The following SMARCC1 variants were observed in gnomAD, a reference collection of about 807,000 sequenced individuals.
The protein encoded by SMARCC1 is SWI/SNF related BAF chromatin remodeling complex subunit C1.
SMARCC1 carries 43 observed loss-of-function variants against 147.4 expected under a neutral mutation model. The observed-to-expected ratio is 0.29, with a 90% CI of 0.23 to 0.38. The LOEUF (loss-of-function observed/expected upper bound fraction) is 0.38, where lower values mean the gene tolerates loss of function less well. SMARCC1 is among the 10% of genes least tolerant of loss of function. The pLI is 1.00. For synonymous variants in SMARCC1, 495 were observed against 484.4 expected (o/e 1.02, Z -0.29); for missense variants, 1,119 against 1,381.1 (o/e 0.81, Z 3.01).
intron 10 of SMARCC1, among the ~76,000 whole-genome samples, chr3:47,704,315 T>C (rs1043149727): frequency 2.0e-5 from 3 of 152,208 alleles, no homozygotes; most frequent in Non-Finnish European, 4.4e-5. Context: ...TCTAAGTATA[T>C]TTTTAACATA....
intron 11 of SMARCC1, among the ~76,000 whole-genome samples, chr3:47,700,653 T>A (rs2033906936): frequency 6.6e-6 from 1 of 151,978 alleles, no homozygotes; most frequent in Non-Finnish European, 1.5e-5. Flanking sequence ...GCCTCTGGAG[T>A]AGCGGGAATT....
chr3:47,670,186 T>C (rs1231428628), intron 19 of SMARCC1, among the ~76,000 whole-genome samples: 1 of 152,208 alleles, frequency 6.6e-6, no homozygotes, highest in Non-Finnish European at 1.5e-5. Context: ...CAGAAAAGGA[T>C]TTAAGTATCA....
chr3:47,715,492 T>C (rs2034144475), intron 7 of SMARCC1, among the ~76,000 whole-genome samples: 1 of 152,180 alleles, frequency 6.6e-6, no homozygotes, highest in South Asian at 2.1e-4. Context: ...ACTTCAAAAG[T>C]ATGTCTAGAA....
At chr3:47,781,040 T>C (rs1320413215) in intron 1 of SMARCC1, among the ~76,000 whole-genome samples, 1 of 152,164 alleles carries the variant, frequency 6.6e-6, no homozygotes. Flanking sequence ...TAGAACACTT[T>C]ACGTACAAGC....
At chr3:47,685,624 C>T (rs1414467790) in intron 14 of SMARCC1, among the ~76,000 whole-genome samples, 2 of 150,862 alleles carry the variant, frequency 1.3e-5, no homozygotes, top group African/African-American at 4.9e-5. Flanking sequence ...CTTTGGGAGG[C>T]TGAAGCAGGT....
intron 26 of SMARCC1, among the ~76,000 whole-genome samples, chr3:47,606,023 TTA>T (rs1011390715): frequency 2.0e-5 from 3 of 152,148 alleles, no homozygotes; most frequent in Non-Finnish European, 4.4e-5. Flanking sequence ...AGCTGAATAT[TTA>T]TGATTGTGCA....
At chr3:47,655,435 G>A (rs1350571419) in intron 21 of SMARCC1, among the ~76,000 whole-genome samples, 2 of 151,574 alleles carry the variant, frequency 1.3e-5, no homozygotes, top group East Asian at 2.0e-4. Flanking sequence ...GGTGGCCCAC[G>A]TCCATAATCC....
chr3:47,695,456 T>C (rs2033836846), intron 11 of SMARCC1, among the ~76,000 whole-genome samples: 1 of 152,174 alleles, frequency 6.6e-6, no homozygotes, highest in African/African-American at 2.4e-5. Context: ...CATCTGTCCC[T>C]GTAGTGGTTG....
intron 1 of SMARCC1, among the ~76,000 whole-genome samples, chr3:47,773,570 A>T (rs1009928260): frequency 6.6e-6 from 1 of 152,136 alleles, no homozygotes; most frequent in Admixed American, 6.6e-5. Context: ...GTTAAATGTA[A>T]AAGTTTTATT....
chr3:47,610,193 C>A lies in SMARCC1; in HGVS notation c.2916G>T (p.Gln972His). ...GGGCCAGGCCAGGTCCTCCTGAGTG[C>A]TGGTGTGCCTGTTGAGGGTTCTGGC... ...QHGQNPQQAH[Q>H]HSGGPGLAPL... The change falls in exon 26 of 28, where the codon CAG becomes CAT. Residue 972 changes from glutamine to histidine, a missense_variant. Around this residue, in one of 6 missense-constraint regions of SMARCC1, gnomAD observed 186 missense variants for 216.5 expected, o/e 0.86. Transcript: ENST00000254480. 3 of 1,614,166 alleles carry A rather than the reference C, an allele frequency of 1.9e-6. No homozygotes were observed. The highest frequency in any genetic ancestry group is 2.5e-6 in the Non-Finnish European group (3 of 1,180,030).
chr3:47,725,065 C>T (rs1039143526), intron 6 of SMARCC1, among the ~76,000 whole-genome samples: 5 of 136,300 alleles, frequency 3.7e-5, no homozygotes, highest in African/African-American at 1.3e-4. Flanking sequence ...AAATCTATTG[C>T]ACGACAAGAT....
chr3:47,680,994 C>T (rs1366630877), intron 14 of SMARCC1, among the ~76,000 whole-genome samples: 6 of 152,202 alleles, frequency 3.9e-5, no homozygotes, highest in African/African-American at 1.4e-4. Flanking sequence ...AAAGCTTTCT[C>T]TTTCTCACTC....
chr3:47,664,191 A>G (rs563878389), intron 19 of SMARCC1, among the ~76,000 whole-genome samples: 1 of 152,202 alleles, frequency 6.6e-6, no homozygotes, highest in East Asian at 1.9e-4. Flanking sequence ...AAAAAAAAAA[A>G]AAAAGACCCT....
At chr3:47,596,734 G>C (rs1438883104) in intron 26 of SMARCC1, among the ~76,000 whole-genome samples, 1 of 151,910 alleles carries the variant, frequency 6.6e-6, no homozygotes, top group Non-Finnish European at 1.5e-5. Context: ...AGCTAGGATA[G>C]AAAGCTTTAA....
chr3:47,680,696 C>T (rs1259865753), intron 14 of SMARCC1, among the ~76,000 whole-genome samples, 188 bp from the exon 15 acceptor site: 2 of 150,900 alleles, frequency 1.3e-5, no homozygotes, highest in African/African-American at 2.4e-5. Flanking sequence ...TACAGGCGCC[C>T]GCCACTACGC....
intron 2 of SMARCC1, among the ~76,000 whole-genome samples, chr3:47,749,913 T>TA (rs1168830260): frequency 4.0e-5 from 6 of 150,666 alleles, no homozygotes; most frequent in Non-Finnish European, 8.9e-5. Context: ...AAACCCCGTC[T>TA]CTACTAAAAA....
chr3:47,662,282 T>C (rs1375439644), intron 20 of SMARCC1, 52 bp downstream of exon 20: 2 of 1,510,478 alleles, frequency 1.3e-6, no homozygotes, highest in African/African-American at 1.4e-5. Context: ...AATATTTAAA[T>C]TGGGATAAAC....
intron 21 of SMARCC1, among the ~76,000 whole-genome samples, chr3:47,648,595 T>C (rs1266740812): frequency 6.6e-6 from 1 of 151,972 alleles, no homozygotes; most frequent in Non-Finnish European, 1.5e-5. Flanking sequence ...CACTATAGTA[T>C]GTTGCCCAGA....
rs2034562814 is a variant in SMARCC1, at chr3:47,746,256, C to A, written c.316-263G>T. 1.0e-5 allele frequency: 3 copies of A among 292,214 alleles called. No homozygotes were observed. In the South Asian group the frequency reaches 2.5e-4, roughly 25 times the overall value. The allele number at this position is 292,214 out of a possible 1,614,324, so 18.1% of individuals were successfully genotyped here. A position where few individuals can be genotyped will look rare whatever the true frequency, so the allele number is the denominator to read the frequency against. ...TTAAGCCCAGGAGTTCAAGACCAGT[C>A]TGGGCAACACAGGGAGATCCAGTCT... On this transcript the variant is annotated intron_variant, in intron 2 of 27. Coordinates refer to ENST00000254480, the MANE Select transcript of SMARCC1 (RefSeq NM_003074.4).
Sources: gnomAD v4.1 joint callset for allele counts (sites outside exome capture counted in the v4.1 genomes callset) on GRCh38, gnomAD v4.1.1 for gene constraint, gnomAD v4.1.1 regional missense constraint, MANE v1.5 for transcripts, NCBI Gene and HGNC (gene_info 2026-07-23, HGNC 2026-07-21) for gene names.